The following SEMA3A variants were observed in gnomAD, a reference collection of about 807,000 sequenced individuals.
SEMA3A encodes semaphorin 3A.
Under a neutral mutation model 97.9 loss-of-function variants are expected in SEMA3A, and 29 were observed. The ratio of observed to expected loss-of-function variants is 0.30; its 90% confidence interval spans 0.22 to 0.40. The LOEUF is 0.40. Among genes scored for constraint, SEMA3A ranks in the 10% least tolerant of loss-of-function variants. SEMA3A has a pLI of 1.00. For synonymous variants in SEMA3A, 321 were observed against 323.7 expected (o/e 0.99, Z 0.09); for missense variants, 763 against 951.3 (o/e 0.80, Z 2.60).
At position 84,432,119 on chromosome 7, in the gene SEMA3A, A is replaced by G. The variant is rs542649411; in HGVS notation, c.-245-60219T>C. Reference sequence around the variant, plus strand: ...AGAGTGATTTCTCTTCACTCTAATAATAATAGATAAGAAAAATCCACCCAA... The same window carrying G: ...AGAGTGATTTCTCTTCACTCTAATAGTAATAGATAAGAAAAATCCACCCAA... On this transcript the variant is annotated intron_variant, in intron 1 of 3. Transcript: ENST00000424555. Among the ~76,000 whole-genome samples the G allele has an allele frequency of 3.9e-5, 6 of 152,162 alleles. No homozygotes were observed. The South Asian group carries it at 1.2e-3, about 32-fold the overall frequency.
chr7:84,309,492 T>C (rs927593509), intron 2 of SEMA3A, among the ~76,000 whole-genome samples: 1 of 152,140 alleles, frequency 6.6e-6, no homozygotes, highest in Non-Finnish European at 1.5e-5. Context: ...TCCACTTAAC[T>C]CTTGATGATG....
chr7:84,057,987 A>G (rs1793062836), intron 5 of SEMA3A, among the ~76,000 whole-genome samples: 4 of 152,284 alleles, frequency 2.6e-5, no homozygotes, highest in Non-Finnish European at 5.9e-5. Context: ...TTTGGGAAGA[A>G]GTCATATTAA....
At chr7:84,450,219 C>T (rs1267866097) in intron 1 of SEMA3A, among the ~76,000 whole-genome samples, 1 of 152,134 alleles carries the variant, frequency 6.6e-6, no homozygotes, top group Non-Finnish European at 1.5e-5. Flanking sequence ...AATTTCTCTA[C>T]ATTCTCTCCA....
At chr7:84,426,036 C>A (rs537950520) in intron 1 of SEMA3A, among the ~76,000 whole-genome samples, 1 of 149,356 alleles carries the variant, frequency 6.7e-6, no homozygotes, top group African/African-American at 2.5e-5. Context: ...TATGGGTATA[C>A]AAAGGCATAC....
chr7:84,418,865 C>T (rs1335161056), intron 1 of SEMA3A, among the ~76,000 whole-genome samples: 1 of 151,808 alleles, frequency 6.6e-6, no homozygotes, highest in Non-Finnish European at 1.5e-5. Flanking sequence ...AACTGTGAGT[C>T]AATTCTCTCT....
chr7:84,431,476 A>G (rs1025879249), intron 1 of SEMA3A, among the ~76,000 whole-genome samples: 9 of 152,008 alleles, frequency 5.9e-5, no homozygotes, highest in African/African-American at 2.2e-4. Context: ...TAGTTTTCCA[A>G]AAAGCATATG....
At chr7:83,987,048 G>T (rs542232894) in intron 12 of SEMA3A, among the ~76,000 whole-genome samples, 1 of 149,616 alleles carries the variant, frequency 6.7e-6, no homozygotes, top group East Asian at 2.0e-4. Context: ...TTTCTCTTTA[G>T]TTCTTATTAC....
At position 83,961,476 on chromosome 7, in the gene SEMA3A, T is replaced by A; in HGVS notation, c.2211A>T (p.Pro737=). Residue 737 remains proline, a synonymous_variant, in exon 17 of 17, where the codon CCA becomes CCT. Transcript: ENST00000265362. The part of the protein sequence containing the change: ...KRDRKQRRQR[P]GHTPGNSNKW... ...TGTTACTGTTCCCTGGGGTATGTCC[T>A]GGCCTTTGCCGACGTTGTTTTCGGT... is the stretch of plus-strand genomic sequence containing the variant. 1.2e-6 allele frequency: 2 copies of A among 1,614,144 alleles called. No individual in the cohort carries two copies. Among genetic ancestry groups the A allele is most frequent in the Admixed American group, 3.3e-5 (2 of 60,024 alleles).
chr7:84,343,764 C>T (rs1802230138), intron 2 of SEMA3A, among the ~76,000 whole-genome samples: 1 of 151,864 alleles, frequency 6.6e-6, no homozygotes, highest in Non-Finnish European at 1.5e-5. Flanking sequence ...CCTTGGAAGG[C>T]CGAGGGGAGA....
intron 4 of SEMA3A, among the ~76,000 whole-genome samples, chr7:84,068,617 A>G (rs1000214409): frequency 6.6e-6 from 1 of 152,042 alleles, no homozygotes; most frequent in Non-Finnish European, 1.5e-5. Flanking sequence ...TGAATATTAT[A>G]TTTTCTTGTA....
intron 1 of SEMA3A, among the ~76,000 whole-genome samples, chr7:84,185,517 T>C (rs772352454): frequency 6.7e-6 from 1 of 149,186 alleles, no homozygotes; most frequent in Non-Finnish European, 1.5e-5. Context: ...ACTAAAAAAA[T>C]TTAAAAAATA....
chr7:84,305,752 A>C (rs1253701362), intron 3 of SEMA3A, among the ~76,000 whole-genome samples: 1 of 151,970 alleles, frequency 6.6e-6, no homozygotes, highest in Non-Finnish European at 1.5e-5. Context: ...CTGGGAAGCA[A>C]TTGTAACTGA....
intron 3 of SEMA3A, among the ~76,000 whole-genome samples, chr7:84,284,733 G>A (rs1352507696): frequency 6.6e-6 from 1 of 152,132 alleles, no homozygotes; most frequent in African/African-American, 2.4e-5. Flanking sequence ...TGAAGGAGGA[G>A]AATGTGCTTA....
intron 1 of SEMA3A, among the ~76,000 whole-genome samples, chr7:84,415,814 G>GA (rs1398408869): frequency 6.6e-6 from 1 of 150,984 alleles, no homozygotes; most frequent in African/African-American, 2.4e-5. Context: ...TTAGGACATA[G>GA]CTTTGCAGTG....
chr7:84,282,908 G>C (rs866194856), intron 3 of SEMA3A, among the ~76,000 whole-genome samples: 3 of 151,984 alleles, frequency 2.0e-5, no homozygotes, highest in African/African-American at 7.2e-5. Context: ...AGGCTACTTG[G>C]GAGGCTGAGG....
intron 3 of SEMA3A, among the ~76,000 whole-genome samples, chr7:84,280,423 G>A (rs1242480272): frequency 6.6e-6 from 1 of 152,088 alleles, no homozygotes; most frequent in Non-Finnish European, 1.5e-5. Context: ...CTCATATTGT[G>A]AATTATGTAT....
At chr7:84,469,744 A>G (rs918230877) in intron 1 of SEMA3A, among the ~76,000 whole-genome samples, 5 of 152,070 alleles carry the variant, frequency 3.3e-5, no homozygotes, top group Non-Finnish European at 5.9e-5. Flanking sequence ...TTTCTCACAT[A>G]CAATTTACTT....
At chr7:84,275,442 C>T (rs1800270792) in intron 3 of SEMA3A, among the ~76,000 whole-genome samples, 1 of 152,076 alleles carries the variant, frequency 6.6e-6, no homozygotes, top group East Asian at 1.9e-4. Context: ...ATCCAATCTT[C>T]TTGAAGATGA....
chr7:84,030,527 T>C (rs1356635529), intron 6 of SEMA3A, among the ~76,000 whole-genome samples: 1 of 14,880 alleles, frequency 6.7e-5, no homozygotes, highest in Non-Finnish European at 1.9e-4. Flanking sequence ...ATGATTTAAA[T>C]CTCTGAGAAG....
Sources: gnomAD v4.1 joint callset for allele counts (sites outside exome capture counted in the v4.1 genomes callset) on GRCh38, gnomAD v4.1.1 for gene constraint, MANE v1.5 for transcripts, NCBI Gene and HGNC (gene_info 2026-07-23, HGNC 2026-07-21) for gene names.